PACRG: variants seen among roughly 807,000 people sequenced by gnomAD.
PACRG encodes parkin coregulated.
In PACRG, 29 loss-of-function variants were observed where a neutral mutation model predicts 29.7. The ratio of observed to expected loss-of-function variants is 0.98; its 90% CI spans 0.73 to 1.33. The LOEUF (loss-of-function observed/expected upper bound fraction) is 1.33, where lower values mean the gene tolerates loss of function less well. Ranked by LOEUF, PACRG falls within the 40% of genes most tolerant of loss-of-function variation. The probability of loss-of-function intolerance (pLI) is 0.00; values close to 1 mark genes in which losing one functional copy is unlikely to be tolerated. For missense variants in PACRG, 279 were observed against 316.2 expected, an observed-to-expected ratio of 0.88 and a Z score of 0.89; for synonymous variants, 116 against 118.7, an observed-to-expected ratio of 0.98 and a Z score of 0.15.
intron 3 of PACRG, 136 bp downstream of exon 3, chr6:163,062,457 GC>G: frequency 9.7e-7 from 1 of 1,035,946 alleles, no homozygotes; most frequent in Non-Finnish European, 1.4e-6. Context: ...GACTTAGGAG[GC>G]CAGACAACCC....
chr6:162,728,330 A>G lies in PACRG; in HGVS notation c.95A>G (p.His32Arg). The G allele has an allele frequency of 6.2e-7, 1 of 1,614,044 alleles. No individual in the cohort carries two copies. The highest frequency in any genetic ancestry group is 8.5e-7 in the Non-Finnish European group (1 of 1,180,036). The change falls in exon 1 of 5, where the codon CAC becomes CGC. Residue 32 changes from histidine to arginine, a missense_variant. By Grantham distance (29) the His-to-Arg change is conservative. Transcript: ENST00000366888. ...KLLAQQPLPV[H>R]QPHSLVSEGF... The stretch of plus-strand genomic sequence containing the variant: ...CTGGCACAACAGCCGCTCCCGGTGC[A>G]CCAGCCTCACTCTCTGGTTTCTGAG...
intron 2 of PACRG, among the ~76,000 whole-genome samples, chr6:162,821,358 A>G (rs776839945): frequency 8.5e-5 from 13 of 152,132 alleles, no homozygotes; most frequent in Non-Finnish European, 1.8e-4. Flanking sequence ...AGAAAGGTCG[A>G]CTGCTGCTCT....
chr6:163,248,423 A>T (rs2128171164), intron 4 of PACRG, among the ~76,000 whole-genome samples: 1 of 123,366 alleles, frequency 8.1e-6, no homozygotes, highest in East Asian at 2.2e-4. Context: ...GGGAGTGCAT[A>T]TTTTATGCAA....
chr6:163,262,086 A>C (rs539324119), intron 4 of PACRG, among the ~76,000 whole-genome samples: 1 of 152,358 alleles, frequency 6.6e-6, no homozygotes, highest in East Asian at 1.9e-4. Flanking sequence ...GCATTCTAAA[A>C]TAAATTCTAA....
intron 4 of PACRG, among the ~76,000 whole-genome samples, chr6:163,258,204 CTAATATTT>C (rs1783189410): frequency 6.6e-6 from 1 of 151,988 alleles, no homozygotes; most frequent in Non-Finnish European, 1.5e-5. Flanking sequence ...GAATCTATTC[CTAATATTT>C]TAATATTTTT....
chr6:163,137,097 G>A (rs1023935439), intron 4 of PACRG, among the ~76,000 whole-genome samples: 1 of 152,152 alleles, frequency 6.6e-6, no homozygotes, highest in Admixed American at 6.5e-5. Context: ...TTTGCAACTA[G>A]CAGTATTTTT....
chr6:163,303,448 C>T (rs947822002), intron 4 of PACRG, among the ~76,000 whole-genome samples: 10 of 152,188 alleles, frequency 6.6e-5, no homozygotes, highest in African/African-American at 2.4e-4. Context: ...ATGGAGAAGT[C>T]TGATAGCAGC....
intron 3 of PACRG, among the ~76,000 whole-genome samples, chr6:163,077,360 T>C (rs1449836499): frequency 6.6e-6 from 1 of 152,134 alleles, no homozygotes; most frequent in Non-Finnish European, 1.5e-5. Context: ...ACACGGTGGC[T>C]TCATTAGGAG....
intron 4 of PACRG, among the ~76,000 whole-genome samples, chr6:163,243,576 C>G (rs915703286): frequency 6.6e-6 from 1 of 152,126 alleles, no homozygotes; most frequent in Non-Finnish European, 1.5e-5. Flanking sequence ...ACAGCAGGAG[C>G]CGCGGGATGG....
chr6:162,929,873 A>G (rs1729586732), intron 2 of PACRG, among the ~76,000 whole-genome samples: 1 of 152,062 alleles, frequency 6.6e-6, no homozygotes, highest in Admixed American at 6.6e-5. Flanking sequence ...AACTTTTTCA[A>G]AAATGAGTTG....
intron 2 of PACRG, among the ~76,000 whole-genome samples, chr6:162,900,466 G>T (rs1031218801): frequency 6.6e-6 from 1 of 152,122 alleles, no homozygotes; most frequent in Non-Finnish European, 1.5e-5. Flanking sequence ...TGGGTCTATG[G>T]ATACTTCAGA....
intron 4 of PACRG, among the ~76,000 whole-genome samples, chr6:163,210,079 T>C (rs1331313481): frequency 6.6e-6 from 1 of 152,196 alleles, no homozygotes; most frequent in Non-Finnish European, 1.5e-5. Flanking sequence ...TTGTCACCCG[T>C]CATGCTCATG....
intron 2 of PACRG, among the ~76,000 whole-genome samples, chr6:163,046,868 A>G (rs1809454822): frequency 6.6e-6 from 1 of 152,226 alleles, no homozygotes; most frequent in Non-Finnish European, 1.5e-5. Context: ...CATCCTCAGT[A>G]TAAAGAGCTT....
intron 1 of PACRG, among the ~76,000 whole-genome samples, chr6:162,760,042 A>G (rs1782223823): frequency 6.6e-6 from 1 of 152,180 alleles, no homozygotes; most frequent in African/African-American, 2.4e-5. Context: ...AGATTATACC[A>G]AAGTTTCATT....
intron 4 of PACRG, chr6:163,189,427 G>A (rs1490076519): frequency 6.6e-6 from 1 of 152,164 alleles, no homozygotes; most frequent in Admixed American, 6.5e-5. Context: ...TATCTTTCAG[G>A]GATGGATGTT....
chr6:163,256,765 G>A (rs1298678815), intron 4 of PACRG, among the ~76,000 whole-genome samples: 1 of 152,212 alleles, frequency 6.6e-6, no homozygotes, highest in African/African-American at 2.4e-5. Context: ...CCCTGAGTGA[G>A]ACGGGAGGTC....
chr6:163,256,294 A>G (rs1347097027), intron 4 of PACRG, among the ~76,000 whole-genome samples: 1 of 152,234 alleles, frequency 6.6e-6, no homozygotes, highest in Non-Finnish European at 1.5e-5. Flanking sequence ...TAACAAACAC[A>G]TGCTGAGTCC....
chr6:163,270,731 A>C (rs965992259), intron 4 of PACRG, among the ~76,000 whole-genome samples: 1 of 152,164 alleles, frequency 6.6e-6, no homozygotes, highest in Non-Finnish European at 1.5e-5. Context: ...AAAGAAAGAA[A>C]TCCAAAGGAA....
At chr6:163,058,701 C>T (rs929696960) in intron 2 of PACRG, among the ~76,000 whole-genome samples, 2 of 152,184 alleles carry the variant, frequency 1.3e-5, no homozygotes, top group African/African-American at 4.8e-5. Flanking sequence ...TCGAGACCCT[C>T]CTGGCTAACA....
Sources: allele counts gnomAD v4.1 joint callset (sites outside exome capture counted in the v4.1 genomes callset), GRCh38; gene constraint gnomAD v4.1.1; transcripts MANE v1.5; gene names NCBI Gene and HGNC (gene_info 2026-07-23, HGNC 2026-07-21).